Variants in SLC35C1 observed in about 807,000 individuals in gnomAD.
SLC35C1 encodes the protein solute carrier family 35 member C1.
SLC35C1 carries 8 observed loss-of-function variants against 23.2 expected under a neutral mutation model. The observed-to-expected ratio is 0.35, with a 90% confidence interval of 0.20 to 0.62. The LOEUF is 0.62. Among genes scored for constraint, SLC35C1 ranks in the 20% least tolerant of loss-of-function variants. The pLI, the probability that SLC35C1 is intolerant of heterozygous loss-of-function variation, is 0.75. For synonymous variants in SLC35C1, 226 were observed against 225.1 expected (o/e 1.00, Z -0.04); for missense variants, 422 against 478.6 (o/e 0.88, Z 1.10).
At chr11:45,808,249 C>T (rs1387315736) in intron 1 of SLC35C1, among the ~76,000 whole-genome samples, 1 of 152,178 alleles carries the variant, frequency 6.6e-6, no homozygotes, top group Non-Finnish European at 1.5e-5. Context: ...CCTGTAATCC[C>T]AGCACTTTGG....
chr11:45,805,078 T>A, upstream of SLC35C1: 1 of 985,616 alleles, frequency 1.0e-6, no homozygotes, highest in Non-Finnish European at 1.2e-6. Context: ...AGGCGGGGCG[T>A]GCGGGCCCTT....
At chr11:45,809,130 G>A (rs1180866711) in intron 1 of SLC35C1, among the ~76,000 whole-genome samples, 2 of 152,172 alleles carry the variant, frequency 1.3e-5, no homozygotes, top group African/African-American at 4.8e-5. Flanking sequence ...CTAGTAATTG[G>A]TGGCTAAACA....
Position 45,805,247 on chromosome 11 carries a change from C to T in SLC35C1, c.-555C>T, listed in dbSNP as rs2085856121. The T allele has an allele frequency of 3.0e-6, 3 of 1,001,380 alleles. No individual in the cohort carries two copies. Among genetic ancestry groups the T allele is most frequent in the East Asian group, 2.1e-4 (2 of 9,640 alleles). 62.0% of individuals were successfully genotyped at this position (1,001,380 alleles called of 1,614,324 possible). A position where few individuals can be genotyped will look rare whatever the true frequency, so the allele number is the denominator to read the frequency against. ...CAGCCCCCTCCCGCGTCCTTCAGCC[C>T]CAAGCCCCGAGCCCCTCTGACCCTT... On this transcript the variant is annotated 5_prime_UTR_variant, in exon 1 of 2. Transcript: ENST00000314134.
In SLC35C1 at chr11:45,805,655, A is replaced by C. The variant is rs1179917200; in HGVS notation, c.-147A>C. 4.6e-6 allele frequency: 7 copies of C among 1,529,956 alleles called. No individual in the cohort carries two copies. The African/African-American group carries it at 5.5e-5, about 12-fold the overall frequency. The allele number at this position is 1,529,956 out of a possible 1,614,324, so 94.8% of individuals were successfully genotyped here. A position where few individuals can be genotyped will look rare whatever the true frequency, so the allele number is the denominator to read the frequency against. On this transcript the variant is annotated 5_prime_UTR_variant, in exon 1 of 2. The change abolishes an upstream ATG in the 5' untranslated region. Transcript: ENST00000314134. ...ACCCCAAAGCAGAACTTCTCAATCC[A>C]TGAGGACAATGGGGAGGCCTTTAGG...
At chr11:45,804,934 A>C, upstream of SLC35C1, 1 of 985,512 alleles carries the variant, frequency 1.0e-6, no homozygotes, top group Non-Finnish European at 1.2e-6. Flanking sequence ...CCCTTCCAGG[A>C]AGCAGGGCGA....
rs2085961240 is a variant in SLC35C1, at chr11:45,812,567, T to C, written c.*1232T>C. On this transcript the variant is annotated 3_prime_UTR_variant, in exon 2 of 2. Coordinates refer to ENST00000314134, the MANE Select transcript of SLC35C1 (RefSeq NM_018389.5). ...CGATCCATAGATGGTGCCTTCTCGC[T>C]GTATCCTCAATGGTAGAAGCACAAA... 1 of 456,042 alleles carries C rather than the reference T, an allele frequency of 2.2e-6. No homozygotes were observed. Among genetic ancestry groups the C allele is most frequent in the Non-Finnish European group, 4.4e-6 (1 of 226,768 alleles). 28.2% of individuals were successfully genotyped at this position (456,042 alleles called of 1,614,324 possible). A position where few individuals can be genotyped will look rare whatever the true frequency, so the allele number is the denominator to read the frequency against.
upstream of SLC35C1, chr11:45,805,063 G>A: frequency 1.0e-6 from 1 of 985,774 alleles, no homozygotes; most frequent in East Asian, 1.1e-4. Context: ...GTCGCTTTAA[G>A]GGCAAGGCGG....
At position 45,812,516 on chromosome 11, in the gene SLC35C1, TTC is replaced by T. The variant is rs2085960216; in HGVS notation, c.*1182_*1183del. On this transcript the variant is annotated 3_prime_UTR_variant, in exon 2 of 2. Coordinates refer to ENST00000314134, the MANE Select transcript of SLC35C1 (RefSeq NM_018389.5). ...CGCCCAAGATCAAGAGGCCAGCAGA[TTC>T]GGACTCCGCTGAGGGCTGTTTCCCG... is the stretch of plus-strand genomic sequence containing the variant. 8.8e-6 allele frequency: 4 copies of T among 455,780 alleles called. No individual in the cohort carries two copies. The highest frequency in any genetic ancestry group is 6.2e-5 in the South Asian group (4 of 64,558). 28.2% of individuals were successfully genotyped at this position (455,780 alleles called of 1,614,324 possible). A position where few individuals can be genotyped will look rare whatever the true frequency, so the allele number is the denominator to read the frequency against.
chr11:45,809,938 A>G, intron 1 of SLC35C1: 10 of 985,260 alleles, frequency 1.0e-5, no homozygotes, highest in Non-Finnish European at 1.2e-5. Flanking sequence ...TTCTGGGATT[A>G]TCAGGAAAGG....
chr11:45,806,626 C>T (rs2085881484), intron 1 of SLC35C1, among the ~76,000 whole-genome samples: 1 of 152,200 alleles, frequency 6.6e-6, no homozygotes, highest in South Asian at 2.1e-4. Flanking sequence ...TGGATCTTAG[C>T]CATATTAACT....
intron 1 of SLC35C1, chr11:45,810,155 A>G: frequency 1.0e-6 from 1 of 985,444 alleles, no homozygotes; most frequent in Non-Finnish European, 1.2e-6. Flanking sequence ...TCCTCATGGC[A>G]GAAGTGGGGA....
intron 1 of SLC35C1, among the ~76,000 whole-genome samples, chr11:45,808,116 C>T (rs980498512): frequency 6.6e-6 from 1 of 152,162 alleles, no homozygotes; most frequent in Non-Finnish European, 1.5e-5. Flanking sequence ...GCAATGTTTC[C>T]TCTTTCTTCC....
At position 45,811,097 on chromosome 11, in the gene SLC35C1, T is replaced by A; in HGVS notation, c.857T>A (p.Leu286Gln). 3 of 1,613,274 alleles carry A rather than the reference T, an allele frequency of 1.9e-6. No individual in the cohort carries two copies. The highest frequency in any genetic ancestry group is 2.5e-6 in the Non-Finnish European group (3 of 1,180,026). Residue 286 changes from leucine (L) to glutamine (Q), a missense_variant, in exon 2 of 2, where the codon CTG becomes CAG. Transcript: ENST00000314134. ...TTTGCCATCGGCTACGTGACAGGAC[T>A]GCAGATCAAGTTCACCAGTCCGCTG... Reference protein sequence around the residue: ...FGFAIGYVTGLQIKFTSPLTH... With the variant: ...FGFAIGYVTGQQIKFTSPLTH...
At position 45,812,549 on chromosome 11, in the gene SLC35C1, T is replaced by G. The variant is rs1288720607; in HGVS notation, c.*1214T>G. Reference sequence around the variant, plus strand: ...CCGCTGAGGGCTGTTTCCCGATCCATAGATGGTGCCTTCTCGCTGTATCCT... The same window carrying G: ...CCGCTGAGGGCTGTTTCCCGATCCAGAGATGGTGCCTTCTCGCTGTATCCT... On this transcript the variant is annotated 3_prime_UTR_variant, in exon 2 of 2. Coordinates refer to ENST00000314134, the MANE Select transcript of SLC35C1 (RefSeq NM_018389.5). The G allele has an allele frequency of 6.6e-6, 3 of 455,908 alleles. No homozygotes were observed. The highest frequency in any genetic ancestry group is 1.3e-5 in the Non-Finnish European group (3 of 226,782). 28.2% of individuals were successfully genotyped at this position (455,908 alleles called of 1,614,324 possible). A position where few individuals can be genotyped will look rare whatever the true frequency, so the allele number is the denominator to read the frequency against.
chr11:45,811,472 T>C lies in SLC35C1; in HGVS notation c.*137T>C, dbSNP rs2085947703. 1 of 640,598 alleles carries C rather than the reference T, an allele frequency of 1.6e-6. No homozygotes were observed. Among genetic ancestry groups the C allele is most frequent in the East Asian group, 2.8e-5 (1 of 35,438 alleles). The allele number at this position is 640,598 out of a possible 1,614,324, so 39.7% of individuals were successfully genotyped here. A position where few individuals can be genotyped will look rare whatever the true frequency, so the allele number is the denominator to read the frequency against. Reference sequence around the variant, plus strand: ...GTGCTACTTATAGACCCAATCAGAATACGGTGGTTGAGAAGGAACCAGTGT... The same window carrying C: ...GTGCTACTTATAGACCCAATCAGAACACGGTGGTTGAGAAGGAACCAGTGT... On this transcript the variant is annotated 3_prime_UTR_variant, in exon 2 of 2. Transcript: ENST00000314134.
At position 45,805,161 on chromosome 11, in the gene SLC35C1, G is replaced by A. The variant is rs553121878; in HGVS notation, c.-641G>A. ...CCGGGGAGTCGGCCTCGGATGTCCG[G>A]AGGCTCCTGGGCTGAGCCGGCGACA... is the stretch of plus-strand genomic sequence containing the variant. On this transcript the variant is annotated 5_prime_UTR_variant, in exon 1 of 2. Coordinates refer to ENST00000314134, the MANE Select transcript of SLC35C1 (RefSeq NM_018389.5). 40 of 986,852 alleles carry A rather than the reference G, an allele frequency of 4.1e-5. No individual in the cohort carries two copies. The African/African-American group carries it at 6.6e-4, about 16-fold the overall frequency. The allele number at this position is 986,852 out of a possible 1,614,324, so 61.1% of individuals were successfully genotyped here. A position where few individuals can be genotyped will look rare whatever the true frequency, so the allele number is the denominator to read the frequency against.
Position 45,812,618 on chromosome 11 carries a change from T to G in SLC35C1, c.*1283T>G, listed in dbSNP as rs1168895336. On this transcript the variant is annotated 3_prime_UTR_variant, in exon 2 of 2. Coordinates refer to ENST00000314134, the MANE Select transcript of SLC35C1 (RefSeq NM_018389.5). Reference sequence around the variant, plus strand: ...CAAGCAAGCTCCTTCCTGCCTCTTTTATAAGGACTCCAACCCTGTTCATGA... The same window carrying G: ...CAAGCAAGCTCCTTCCTGCCTCTTTGATAAGGACTCCAACCCTGTTCATGA... 1 of 456,034 alleles carries G rather than the reference T, an allele frequency of 2.2e-6. No individual in the cohort carries two copies. 28.2% of individuals were successfully genotyped at this position (456,034 alleles called of 1,614,324 possible).
intron 1 of SLC35C1, among the ~76,000 whole-genome samples, chr11:45,806,599 A>G (rs1415779769): frequency 6.6e-6 from 1 of 152,248 alleles, no homozygotes; most frequent in African/African-American, 2.4e-5. Context: ...TTGAGTGATT[A>G]AAATGTGCCA....
chr11:45,811,323 C>T lies in SLC35C1; in HGVS notation c.1083C>T (p.Ala361=). The change falls in exon 2 of 2, where the codon GCC becomes GCT. Residue 361 remains alanine (A), a synonymous_variant. Coordinates refer to ENST00000314134, the MANE Select transcript of SLC35C1 (RefSeq NM_018389.5). ...EPSPKDSEKS[A]MGV ...GCCCCAAAGACAGCGAGAAGAGCGCCATGGGGGTGTGAGCACCACAGGCAC... is the reference window on the plus strand; with the variant it reads ...GCCCCAAAGACAGCGAGAAGAGCGCTATGGGGGTGTGAGCACCACAGGCAC... The T allele has an allele frequency of 1.3e-6, 2 of 1,522,418 alleles. No individual in the cohort carries two copies. The highest frequency in any genetic ancestry group is 1.7e-6 in the Non-Finnish European group (2 of 1,144,992). The allele number at this position is 1,522,418 out of a possible 1,614,324, so 94.3% of individuals were successfully genotyped here.
Sources: allele counts gnomAD v4.1 joint callset (sites outside exome capture counted in the v4.1 genomes callset), GRCh38; gene constraint gnomAD v4.1.1; transcripts MANE v1.5; gene names NCBI Gene and HGNC (gene_info 2026-07-23, HGNC 2026-07-21).